The following TTC17 variants were observed in gnomAD, a reference collection of about 807,000 sequenced individuals.
The protein encoded by TTC17 is tetratricopeptide repeat domain 17.
A neutral mutation model predicts 143.8 loss-of-function variants in TTC17; 58 were observed. The observed-to-expected ratio is 0.40, with a 90% CI of 0.33 to 0.50. The LOEUF is 0.50. Ranked by LOEUF, TTC17 falls within the 20% of genes least tolerant of loss-of-function variation. The pLI is 0.49. For missense variants in TTC17, 1,273 were observed against 1,392.5 expected, an observed-to-expected ratio of 0.91 and a Z score of 1.37; for synonymous variants, 501 against 497.8, an observed-to-expected ratio of 1.01 and a Z score of -0.09.
At chr11:43,476,761 G>A (rs902589556) in intron 21 of TTC17, among the ~76,000 whole-genome samples, 1 of 152,222 alleles carries the variant, frequency 6.6e-6, no homozygotes, top group African/African-American at 2.4e-5. Context: ...GGGCCTCTGG[G>A]CCTGTGATGG....
At chr11:43,421,594 A>C (rs559930349) in intron 16 of TTC17, among the ~76,000 whole-genome samples, 20 of 152,278 alleles carry the variant, frequency 1.3e-4, no homozygotes, top group Non-Finnish European at 2.4e-4. Context: ...TAGGAGCATG[A>C]ACCTATTGTA....
rs1046681467 is a variant in TTC17, at chr11:43,359,118, C to T, written c.159+5C>T. On this transcript the variant is annotated splice_donor_5th_base_variant and intron_variant, in intron 1 of 23. Coordinates refer to ENST00000039989, the MANE Select transcript of TTC17 (RefSeq NM_018259.6). Reference sequence around the variant, plus strand: ...GACGGGAAAATCCAGCAGCAGGTAGCGGCCGGGGCGTCCCTCTTCTCCCGT... The same window carrying T: ...GACGGGAAAATCCAGCAGCAGGTAGTGGCCGGGGCGTCCCTCTTCTCCCGT... 2.5e-6 allele frequency: 4 copies of T among 1,577,872 alleles called. No individual in the cohort carries two copies. The highest frequency in any genetic ancestry group is 1.4e-5 in the African/African-American group (1 of 72,348).
At chr11:43,380,549 C>A (rs1188483758) in intron 2 of TTC17, among the ~76,000 whole-genome samples, 3 of 151,184 alleles carry the variant, frequency 2.0e-5, no homozygotes, top group Admixed American at 2.0e-4. Flanking sequence ...GTCACCGTGC[C>A]CGGCCAAAAG....
At chr11:43,485,548 G>A (rs1384834712) in intron 21 of TTC17, among the ~76,000 whole-genome samples, 1 of 151,748 alleles carries the variant, frequency 6.6e-6, no homozygotes, top group Non-Finnish European at 1.5e-5. Context: ...GGCAGGCCAG[G>A]GAGAAAACAT....
intron 1 of TTC17, among the ~76,000 whole-genome samples, chr11:43,367,070 G>A (rs115790249): frequency 6.6e-6 from 1 of 152,230 alleles, no homozygotes; most frequent in African/African-American, 2.4e-5. Flanking sequence ...TACCTACTTA[G>A]GTAAATGCCA....
intron 16 of TTC17, among the ~76,000 whole-genome samples, chr11:43,427,498 C>T (rs1184982047): frequency 1.3e-5 from 2 of 152,194 alleles, no homozygotes; most frequent in Non-Finnish European, 2.9e-5. Context: ...ATTTTCTTGA[C>T]TACATACATC....
intron 21 of TTC17, among the ~76,000 whole-genome samples, chr11:43,475,598 T>A (rs140145719): frequency 6.6e-6 from 1 of 152,314 alleles, no homozygotes; most frequent in African/African-American, 2.4e-5. Flanking sequence ...GTGCTGGGAT[T>A]ACAGATGTGA....
chr11:43,493,681 G>C, intron 23 of TTC17, 92 bp from the exon 24 acceptor site: 1 of 1,584,988 alleles, frequency 6.3e-7, no homozygotes, highest in Non-Finnish European at 8.6e-7. Flanking sequence ...ATTGTCCCTA[G>C]TACAGAGGTG....
chr11:43,466,709 G>A, intron 21 of TTC17: 1 of 360,836 alleles, frequency 2.8e-6, no homozygotes, highest in Admixed American at 2.9e-5. Context: ...AAACAAATGA[G>A]TCCCAGTTTT....
At chr11:43,421,951 A>G (rs1423109444) in intron 16 of TTC17, among the ~76,000 whole-genome samples, 1 of 151,852 alleles carries the variant, frequency 6.6e-6, no homozygotes, top group Non-Finnish European at 1.5e-5. Flanking sequence ...AGTGAAATGA[A>G]CTGATTTACA....
chr11:43,490,574 G>A (rs12271301), intron 22 of TTC17: 27,792 of 527,390 alleles, frequency 0.053, 822 homozygotes, highest in African/African-American at 0.094. Context: ...TGGAACGTGG[G>A]GAAGGCCTTC....
At chr11:43,459,244 A>G (rs747827753) in intron 21 of TTC17, among the ~76,000 whole-genome samples, 4 of 152,230 alleles carry the variant, frequency 2.6e-5, no homozygotes, top group Non-Finnish European at 5.9e-5. Flanking sequence ...ATCCCATGGC[A>G]GTTGTGAAAT....
At chr11:43,371,484 G>T (rs961374606) in intron 1 of TTC17, among the ~76,000 whole-genome samples, 1 of 152,252 alleles carries the variant, frequency 6.6e-6, no homozygotes, top group African/African-American at 2.4e-5. Flanking sequence ...ATGAAGAGAT[G>T]CACAGGGTGA....
intron 5 of TTC17, among the ~76,000 whole-genome samples, chr11:43,392,568 A>G (rs1013953983): frequency 5.3e-5 from 8 of 152,224 alleles, no homozygotes; most frequent in Admixed American, 1.3e-4. Context: ...CCACCTTTGT[A>G]TACAGTTTTT....
chr11:43,361,442 T>C (rs951827056), intron 1 of TTC17, among the ~76,000 whole-genome samples: 1 of 152,218 alleles, frequency 6.6e-6, no homozygotes, highest in Non-Finnish European at 1.5e-5. Flanking sequence ...CTACCAAACA[T>C]TGTAGCTTAG....
intron 15 of TTC17, 137 bp from the exon 16 acceptor site, chr11:43,414,453 T>G (rs1590381713): frequency 9.7e-6 from 8 of 821,352 alleles, no homozygotes. Flanking sequence ...AATTGGCTGG[T>G]ATGAATAAAA....
intron 21 of TTC17, among the ~76,000 whole-genome samples, chr11:43,474,163 C>T (rs1471190640): frequency 1.3e-5 from 2 of 152,180 alleles, no homozygotes; most frequent in African/African-American, 2.4e-5. Flanking sequence ...TATGTGTGAA[C>T]ATCCACACAG....
rs1405930560 is a variant in TTC17, at chr11:43,408,235, T to C, written c.2064+658T>C. ...ATTTTATACCTAATGTCTAAATGTT[T>C]ATAGGTTTTGTATTCAAAGAAACCT... On this transcript the variant is annotated intron_variant, in intron 15 of 23. Transcript: ENST00000039989. Among the ~76,000 whole-genome samples, 5 of 152,350 alleles carry C rather than the reference T, an allele frequency of 3.3e-5. No homozygotes were observed. In the South Asian group the frequency reaches 1.0e-3, roughly 32 times the overall value.
chr11:43,472,033 T>C (rs1488985360), intron 21 of TTC17, among the ~76,000 whole-genome samples: 3 of 152,054 alleles, frequency 2.0e-5, no homozygotes, highest in African/African-American at 7.3e-5. Context: ...AAATATAAAA[T>C]ATACAACAGT....
Sources: allele counts gnomAD v4.1 joint callset (sites outside exome capture counted in the v4.1 genomes callset), GRCh38; gene constraint gnomAD v4.1.1; transcripts MANE v1.5; gene names NCBI Gene and HGNC (gene_info 2026-07-23, HGNC 2026-07-21).